Variants in NPAS3 observed in about 807,000 individuals in gnomAD.
The protein encoded by NPAS3 is neuronal PAS domain protein 3.
In NPAS3, 14 loss-of-function variants were observed where a neutral mutation model predicts 73.1. The ratio of observed to expected loss-of-function variants is 0.19; its 90% CI spans 0.13 to 0.30. The LOEUF (loss-of-function observed/expected upper bound fraction) is 0.30. Among genes scored for constraint, NPAS3 ranks in the 10% least tolerant of loss-of-function variants. The pLI is 1.00. For missense variants in NPAS3, 1,096 were observed against 1,250.0 expected (o/e 0.88, Z 1.86); for synonymous variants, 620 against 541.5 (o/e 1.14, Z -2.01).
chr14:33,227,839 A>T (rs1871318304), intron 3 of NPAS3, among the ~76,000 whole-genome samples: 1 of 152,258 alleles, frequency 6.6e-6, no homozygotes, highest in Admixed American at 6.5e-5. Flanking sequence ...AGCAAAATGT[A>T]GGAATGCAGT....
At position 33,800,367 on chromosome 14, in the gene NPAS3, G is replaced by C; in HGVS notation, c.2060G>C (p.Ser687Thr). 3.1e-6 allele frequency: 5 copies of C among 1,610,710 alleles called. No individual in the cohort carries two copies. Among genetic ancestry groups the C allele is most frequent in the Non-Finnish European group, 4.2e-6 (5 of 1,178,908 alleles). Residue 687 changes from serine to threonine, a missense_variant, in exon 12 of 12, where the codon AGC becomes ACC. Around this residue, in one of 5 missense-constraint regions of NPAS3, gnomAD observed 698 missense variants for 676.7 expected, o/e 1.03. Coordinates refer to ENST00000356141, the Ensembl canonical transcript of NPAS3. The surrounding 1 kb of genome is among the most constrained non-coding windows in gnomAD (Gnocchi z 6.5). ...CCCTACAGCATGACCAAGCCCCCCA[G>C]CTCTGAGCACTTCCCGTCCCCGCAG...
chr14:33,340,915 C>A (rs1012050624), intron 3 of NPAS3, among the ~76,000 whole-genome samples: 2 of 152,164 alleles, frequency 1.3e-5, no homozygotes, highest in Non-Finnish European at 2.9e-5. Flanking sequence ...AAGAGCCATA[C>A]CATACCACTG....
chr14:33,322,587 G>C (rs1379918510), intron 3 of NPAS3, among the ~76,000 whole-genome samples: 2 of 151,514 alleles, frequency 1.3e-5, no homozygotes, highest in Non-Finnish European at 2.9e-5. Flanking sequence ...TGTCATTGAC[G>C]TTCCCTCATC....
At chr14:33,797,815 T>C (rs2063557279) in intron 11 of NPAS3, among the ~76,000 whole-genome samples, 1 of 151,888 alleles carries the variant, frequency 6.6e-6, no homozygotes, top group Non-Finnish European at 1.5e-5. Flanking sequence ...ACAATACATA[T>C]AGATATGTAG....
upstream of NPAS3, among the ~76,000 whole-genome samples, chr14:32,935,617 A>C (rs1219415855): frequency 6.6e-6 from 1 of 152,240 alleles, no homozygotes; most frequent in Non-Finnish European, 1.5e-5. Flanking sequence ...GTTAGGAAGC[A>C]AATTTTACAA....
rs35154724 is a variant in NPAS3 at position 33,543,946 on chromosome 14, CATATATATATATATATATATATAT to C, written c.469-16142_469-16119del. On this transcript the variant is annotated intron_variant, in intron 4 of 11. Coordinates refer to ENST00000356141, the Ensembl canonical transcript of NPAS3. ...CATCTCAGACAGGTATGGCAAAGTG[CATATATATATATATATATATATAT>C]ATATATATATATATATATATATATA... Among the ~76,000 whole-genome samples the C allele has an allele frequency of 2.7e-3, 279 of 104,982 alleles. 1 individual carries two copies. The highest frequency in any genetic ancestry group is 5.8e-3 in the East Asian group (19 of 3,278). 68.9% of individuals were successfully genotyped at this position (104,982 alleles called of 152,430 possible).
At chr14:33,297,639 C>T (rs1566771232) in intron 3 of NPAS3, among the ~76,000 whole-genome samples, 1 of 152,288 alleles carries the variant, frequency 6.6e-6, no homozygotes, top group East Asian at 1.9e-4. Context: ...ACCAAACAGA[C>T]TAAAATAAAT....
intron 3 of NPAS3, among the ~76,000 whole-genome samples, chr14:33,321,632 GTCTTAGCC>G (rs2043452927): frequency 6.6e-6 from 1 of 152,000 alleles, no homozygotes; most frequent in Non-Finnish European, 1.5e-5. Flanking sequence ...GACTTGGTAG[GTCTTAGCC>G]TCAGTTCCTC....
chr14:33,096,873 G>C (rs2042435354), intron 2 of NPAS3, among the ~76,000 whole-genome samples: 1 of 151,980 alleles, frequency 6.6e-6, no homozygotes. Context: ...TTCACTACTT[G>C]GTAATATTTT....
intron 5 of NPAS3, among the ~76,000 whole-genome samples, chr14:33,580,661 A>G (rs1190076303): frequency 6.6e-6 from 1 of 152,130 alleles, no homozygotes; most frequent in Non-Finnish European, 1.5e-5. Context: ...ACTATAAAAC[A>G]AAATTGCTCA....
At chr14:33,348,301 A>C (rs2044846242) in intron 3 of NPAS3, among the ~76,000 whole-genome samples, 1 of 152,158 alleles carries the variant, frequency 6.6e-6, no homozygotes, top group African/African-American at 2.4e-5. Context: ...ACCCCTCAGC[A>C]CCAGCAAAAA....
intron 5 of NPAS3, among the ~76,000 whole-genome samples, chr14:33,581,202 C>A (rs1004673429): frequency 2.0e-5 from 3 of 151,988 alleles, no homozygotes; most frequent in Non-Finnish European, 4.4e-5. Context: ...ATGTGTTATC[C>A]CCTTCATTTC....
chr14:33,344,593 T>C (rs754975171), intron 3 of NPAS3, among the ~76,000 whole-genome samples: 1 of 152,240 alleles, frequency 6.6e-6, no homozygotes, highest in Non-Finnish European at 1.5e-5. Context: ...AACCTCAGGC[T>C]TATGGAATGA....
At chr14:33,275,019 T>C (rs934851326) in intron 3 of NPAS3, among the ~76,000 whole-genome samples, 4 of 152,224 alleles carry the variant, frequency 2.6e-5, no homozygotes, top group African/African-American at 7.2e-5. Flanking sequence ...TGCTTTTCTC[T>C]TGACCCTTTC....
chr14:33,441,435 C>T (rs1231998189), intron 4 of NPAS3, among the ~76,000 whole-genome samples: 1 of 152,130 alleles, frequency 6.6e-6, no homozygotes, highest in Non-Finnish European at 1.5e-5. Flanking sequence ...TTCAGATTAT[C>T]CAGTTAACAT....
intron 4 of NPAS3, among the ~76,000 whole-genome samples, chr14:33,496,984 A>C (rs1354954103): frequency 6.6e-6 from 1 of 152,222 alleles, no homozygotes; most frequent in African/African-American, 2.4e-5. Context: ...TAAACTGATA[A>C]GCAACTTCAG....
At chr14:33,295,469 G>A (rs2042259120) in intron 3 of NPAS3, among the ~76,000 whole-genome samples, 1 of 152,074 alleles carries the variant, frequency 6.6e-6, no homozygotes, top group Admixed American at 6.5e-5. Context: ...CTACTCTGTA[G>A]ATTCCAAAAA....
chr14:33,774,143 G>A (rs1185756185), intron 7 of NPAS3, among the ~76,000 whole-genome samples, 194 bp from the exon 8 acceptor site: 1 of 152,166 alleles, frequency 6.6e-6, no homozygotes, highest in Admixed American at 6.5e-5. Context: ...AGGAACGCCT[G>A]GAATGTAATA....
Position 33,024,615 on chromosome 14 carries a change from C to T in NPAS3, c.51-31290C>T, listed in dbSNP as rs564106331. On this transcript the variant is annotated intron_variant, in intron 1 of 11. Coordinates refer to ENST00000356141, the Ensembl canonical transcript of NPAS3. ...CTGTGGGGTTGAGGGAAATGCTTAC[C>T]GTATAATGTTAAGTGAAAACATTTA... 1.2e-4 allele frequency among the ~76,000 whole-genome samples: 18 copies of T among 152,126 alleles called. No homozygotes were observed. In the South Asian group the frequency reaches 3.3e-3, roughly 28 times the overall value.
Sources: allele counts gnomAD v4.1 joint callset (sites outside exome capture counted in the v4.1 genomes callset), GRCh38; gene constraint gnomAD v4.1.1; regional missense constraint gnomAD v4.1.1; non-coding constraint Gnocchi (gnomAD v3.1); transcripts MANE v1.5; gene names NCBI Gene and HGNC (gene_info 2026-07-23, HGNC 2026-07-21).